Variants in UNC79 observed in about 807,000 individuals in gnomAD.
The protein encoded by UNC79 is unc-79 subunit of NALCN channel complex, also known as protein unc-79 homolog.
UNC79 carries 37 observed loss-of-function variants against 283.1 expected under a neutral mutation model. That is an observed-to-expected ratio of 0.13 (90% CI 0.10 to 0.17). The LOEUF (loss-of-function observed/expected upper bound fraction) is 0.17, where lower values mean the gene tolerates loss of function less well. UNC79 is among the 10% of genes least tolerant of loss of function. UNC79 has a pLI of 1.00. For synonymous variants in UNC79, 1,107 were observed against 1,200.2 expected (o/e 0.92, Z 1.61); for missense variants, 2,272 against 3,211.1 (o/e 0.71, Z 7.07).
chr14:93,528,551 G>A lies in UNC79; in HGVS notation c.964-7G>A. 6.2e-7 allele frequency: 1 copy of A among 1,612,884 alleles called. No individual in the cohort carries two copies. The highest frequency in any genetic ancestry group is 8.5e-7 in the Non-Finnish European group (1 of 1,179,128). On this transcript the variant is annotated splice_region_variant and splice_polypyrimidine_tract_variant and intron_variant, in intron 8 of 48. Coordinates refer to ENST00000555664, the Ensembl canonical transcript of UNC79. ...GAGAGTTCATTCTGTCTTTTCATAT[G>A]TTTCAGATGTGTATAGACCCTTCCC... is the stretch of plus-strand genomic sequence containing the variant.
intron 7 of UNC79, among the ~76,000 whole-genome samples, chr14:93,501,253 G>C (rs182518157): frequency 9.7e-4 from 147 of 152,208 alleles, no homozygotes; most frequent in African/African-American, 3.4e-3. Context: ...GAACCTGGTA[G>C]GCAGAAGTTG....
At chr14:93,463,576 C>T (rs1247893878) in intron 1 of UNC79, among the ~76,000 whole-genome samples, 2 of 152,088 alleles carry the variant, frequency 1.3e-5, no homozygotes, top group Non-Finnish European at 1.5e-5. Flanking sequence ...TGGAGAGCCC[C>T]AGTGAATGCT....
intron 27 of UNC79, among the ~76,000 whole-genome samples, chr14:93,614,594 C>T (rs954632591): frequency 2.7e-5 from 4 of 149,570 alleles, no homozygotes; most frequent in African/African-American, 9.9e-5. Context: ...GCTAGAATTA[C>T]AGGCATGAGC....
chr14:93,601,455 G>A (rs2065501474), intron 25 of UNC79, among the ~76,000 whole-genome samples: 1 of 152,234 alleles, frequency 6.6e-6, no homozygotes, highest in Admixed American at 6.5e-5. Context: ...TGGCCAAGTA[G>A]TATTCCATGG....
intron 42 of UNC79, 122 bp downstream of exon 45, chr14:93,682,816 G>T: frequency 1.2e-6 from 1 of 855,352 alleles, no homozygotes; most frequent in South Asian, 1.7e-5. Context: ...GTGACTTTTG[G>T]AACGTATTTT....
chr14:93,476,957 G>T (rs2057836936), intron 3 of UNC79, among the ~76,000 whole-genome samples: 1 of 152,178 alleles, frequency 6.6e-6, no homozygotes, highest in Non-Finnish European at 1.5e-5. Context: ...CTAATGAAGT[G>T]AGGTAGGTAT....
In UNC79 at chr14:93,673,335, G is replaced by A. The variant is rs947372187; in HGVS notation, c.6637-16G>A. The A allele has an allele frequency of 3.7e-6, 6 of 1,606,908 alleles. No individual in the cohort carries two copies. The Admixed American group carries it at 8.5e-5, about 23-fold the overall frequency. ...TTTCTAAAATCACTTACCTCCTTCTGTTTTGTTTTCTTTAGGAACGAGATA... is the reference window on the plus strand; with the variant it reads ...TTTCTAAAATCACTTACCTCCTTCTATTTTGTTTTCTTTAGGAACGAGATA... On this transcript the variant is annotated splice_polypyrimidine_tract_variant and intron_variant, in intron 40 of 48. Coordinates refer to ENST00000555664, the Ensembl canonical transcript of UNC79.
intron 1 of UNC79, among the ~76,000 whole-genome samples, chr14:93,364,870 C>T (rs2054297613): frequency 6.6e-6 from 1 of 151,800 alleles, no homozygotes; most frequent in Non-Finnish European, 1.5e-5. Context: ...CATGTCCTGC[C>T]CCTCCTCCTA....
intron 30 of UNC79, among the ~76,000 whole-genome samples, chr14:93,623,088 C>T (rs181263385): frequency 2.6e-5 from 4 of 152,260 alleles, no homozygotes; most frequent in Non-Finnish European, 4.4e-5. Flanking sequence ...AATTCTTGAC[C>T]ACCCTTGGCA....
At chr14:93,654,051 A>C (rs2070624461) in intron 37 of UNC79, 26 bp downstream of exon 40, 1 of 1,607,754 alleles carries the variant, frequency 6.2e-7, no homozygotes. Flanking sequence ...TGACACCCTA[A>C]GCCCCAGCCG....
chr14:93,646,792 T>C, intron 35 of UNC79, 146 bp downstream of exon 38: 8 of 757,178 alleles, frequency 1.1e-5, no homozygotes, highest in Non-Finnish European at 1.7e-5. Context: ...GGAGGATCAC[T>C]CGAGCCCGGG....
intron 7 of UNC79, among the ~76,000 whole-genome samples, chr14:93,518,787 A>T (rs1396857508): frequency 6.6e-6 from 1 of 151,746 alleles, no homozygotes; most frequent in African/African-American, 2.4e-5. Flanking sequence ...TTCTTCTTTC[A>T]TTCATGAATT....
intron 11 of UNC79, among the ~76,000 whole-genome samples, chr14:93,536,744 C>A (rs1474316739): frequency 6.8e-6 from 1 of 148,056 alleles, no homozygotes; most frequent in South Asian, 2.1e-4. Context: ...GAGGTATGCC[C>A]TTAAGATCCT....
At chr14:93,345,264 C>T (rs1232475415) in intron 1 of UNC79, among the ~76,000 whole-genome samples, 1 of 152,164 alleles carries the variant, frequency 6.6e-6, no homozygotes, top group Non-Finnish European at 1.5e-5. Context: ...ATTTATAAGC[C>T]ATCCAGTCTG....
intron 24 of UNC79, 30 bp from the exon 25 acceptor site, chr14:93,600,534 CTTCTT>C: frequency 5.2e-6 from 8 of 1,528,144 alleles, no homozygotes; most frequent in Non-Finnish European, 7.1e-6. Flanking sequence ...ATCTGACTTT[CTTCTT>C]TTCTTTTTTT....
In UNC79 at chr14:93,630,815, G is replaced by T. The variant is rs761555717; in HGVS notation, c.5623G>T (p.Gly1875Ter). The change falls in exon 31 of 49, where the codon GGA becomes TGA. Residue 1875 changes from glycine (G) to a stop codon, truncating the protein, a stop_gained. Transcript: ENST00000555664. LOFTEE classifies it high-confidence loss of function. ...TCTGTTTGTAGATCCTTCTACTAAA[G>T]GACTTTCAACTTTGGAAATGCCACG... 1.2e-6 allele frequency: 2 copies of T among 1,613,896 alleles called. No homozygotes were observed. The highest frequency in any genetic ancestry group is 1.7e-6 in the Non-Finnish European group (2 of 1,179,828).
chr14:93,567,588 G>A (rs2062968403), intron 14 of UNC79, among the ~76,000 whole-genome samples: 1 of 152,180 alleles, frequency 6.6e-6, no homozygotes, highest in Non-Finnish European at 1.5e-5. Flanking sequence ...TCCACCACGT[G>A]GCTATGCTGG....
At chr14:93,497,813 C>T (rs898286533) in intron 7 of UNC79, among the ~76,000 whole-genome samples, 17 of 152,032 alleles carry the variant, frequency 1.1e-4, no homozygotes, top group African/African-American at 3.6e-4. Context: ...TGGTGAAACC[C>T]CGTCTCTACT....
At chr14:93,375,584 A>G (rs1165688212) in intron 1 of UNC79, among the ~76,000 whole-genome samples, 1 of 152,174 alleles carries the variant, frequency 6.6e-6, no homozygotes, top group East Asian at 1.9e-4. Context: ...CAGGCTGTAC[A>G]GGAAGCAAAG....
Sources: gnomAD v4.1 joint callset for allele counts (sites outside exome capture counted in the v4.1 genomes callset) on GRCh38, gnomAD v4.1.1 for gene constraint, MANE v1.5 for transcripts, NCBI Gene and HGNC (gene_info 2026-07-23, HGNC 2026-07-21) for gene names.